Variants in LRMDA observed in about 807,000 individuals in gnomAD.
LRMDA encodes leucine rich melanocyte differentiation associated.
Under a neutral mutation model 29.8 loss-of-function variants are expected in LRMDA, and 18 were observed. The observed-to-expected ratio is 0.60, with a 90% CI of 0.42 to 0.90. The LOEUF is 0.90. Ranked by LOEUF, LRMDA falls within the 40% of genes least tolerant of loss-of-function variation. The pLI, the probability that LRMDA is intolerant of heterozygous loss-of-function variation, is 0.00. For synonymous variants in LRMDA, 125 were observed against 109.4 expected (o/e 1.14, Z -0.89); for missense variants, 273 against 273.9 (o/e 1.00, Z 0.02).
chr10:76,245,394 T>C (rs931657757), intron 5 of LRMDA, among the ~76,000 whole-genome samples: 1 of 152,096 alleles, frequency 6.6e-6, no homozygotes, highest in East Asian at 1.9e-4. Context: ...GGTAGTGGTG[T>C]TTGTTTTTGG....
intron 2 of LRMDA, among the ~76,000 whole-genome samples, chr10:75,710,317 T>G (rs1418409557): frequency 6.6e-6 from 1 of 152,208 alleles, no homozygotes; most frequent in Non-Finnish European, 1.5e-5. Flanking sequence ...TATGGGTTAA[T>G]TTTTCTGTAG....
chr10:76,314,510 CA>C (rs760311805), intron 5 of LRMDA, among the ~76,000 whole-genome samples: 47 of 152,294 alleles, frequency 3.1e-4, no homozygotes, highest in Non-Finnish European at 6.2e-4. Flanking sequence ...CCACAGTGGC[CA>C]ATGTCAAACT....
chr10:75,481,587 G>T (rs1223476483), intron 2 of LRMDA, among the ~76,000 whole-genome samples: 1 of 152,152 alleles, frequency 6.6e-6, no homozygotes, highest in Non-Finnish European at 1.5e-5. Context: ...CTGGACTTTT[G>T]CAGTAACCTC....
At chr10:75,823,191 G>A (rs1844191087) in intron 2 of LRMDA, among the ~76,000 whole-genome samples, 1 of 152,040 alleles carries the variant, frequency 6.6e-6, no homozygotes, top group Non-Finnish European at 1.5e-5. Context: ...CTACAGAATG[G>A]GAGAAAATAT....
chr10:76,426,196 T>G (rs1417658292), intron 6 of LRMDA, among the ~76,000 whole-genome samples: 1 of 152,238 alleles, frequency 6.6e-6, no homozygotes, highest in Non-Finnish European at 1.5e-5. Context: ...CCACAATGGT[T>G]GAACTAGTTT....
intron 2 of LRMDA, among the ~76,000 whole-genome samples, chr10:75,988,826 G>C (rs1252321815): frequency 1.3e-5 from 2 of 152,300 alleles, no homozygotes; most frequent in Non-Finnish European, 2.9e-5. Flanking sequence ...ATGCCAGTGG[G>C]TGCGGCCTGT....
chr10:75,515,766 A>G (rs1195201772), intron 2 of LRMDA, among the ~76,000 whole-genome samples: 4 of 152,108 alleles, frequency 2.6e-5, no homozygotes, highest in African/African-American at 9.7e-5. Context: ...GGTTTGTTAC[A>G]TAGGTATACT....
rs1841481100 is a variant in LRMDA at position 76,373,570 on chromosome 10, GT to G, written c.601+49091del. 6.6e-5 allele frequency among the ~76,000 whole-genome samples: 10 copies of G among 152,142 alleles called. No homozygotes were observed. In the South Asian group the frequency reaches 2.1e-3, roughly 32 times the overall value. ...TGGACAAGATATTGTTATCTCCTGT[GT>G]TTTTTAAGTCACTACCATCAGTTGC... On this transcript the variant is annotated intron_variant, in intron 6 of 6. Coordinates refer to ENST00000611255, the MANE Select transcript of LRMDA (RefSeq NM_001305581.2).
chr10:75,905,676 A>G (rs1269818951), intron 2 of LRMDA, among the ~76,000 whole-genome samples: 1 of 152,114 alleles, frequency 6.6e-6, no homozygotes, highest in Non-Finnish European at 1.5e-5. Context: ...GGGGAGTAGC[A>G]TGGTGCTAAC....
intron 5 of LRMDA, among the ~76,000 whole-genome samples, chr10:76,198,897 G>T (rs947740372): frequency 1.3e-5 from 2 of 152,184 alleles, no homozygotes; most frequent in Non-Finnish European, 2.9e-5. Context: ...ACTATTGTAT[G>T]AAGACTCCTT....
At chr10:76,228,353 G>T (rs114762201) in intron 5 of LRMDA, among the ~76,000 whole-genome samples, 1,555 of 152,150 alleles carry the variant, frequency 0.01, 27 homozygotes, top group African/African-American at 0.031. Context: ...CACCCAAGGG[G>T]TTCCTTGGTG....
chr10:75,756,621 C>T (rs1229351612), intron 2 of LRMDA, among the ~76,000 whole-genome samples: 1 of 152,192 alleles, frequency 6.6e-6, no homozygotes, highest in Admixed American at 6.5e-5. Context: ...CCTTAATGAA[C>T]AATAATAGTG....
chr10:75,959,837 A>C (rs916989741), intron 2 of LRMDA, among the ~76,000 whole-genome samples: 2 of 152,214 alleles, frequency 1.3e-5, no homozygotes, highest in Non-Finnish European at 2.9e-5. Flanking sequence ...GCTTATGAGC[A>C]TTTCATTTGT....
intron 2 of LRMDA, among the ~76,000 whole-genome samples, chr10:75,895,063 C>T (rs1204357748): frequency 6.6e-6 from 1 of 152,130 alleles, no homozygotes; most frequent in Non-Finnish European, 1.5e-5. Context: ...TTCAGAAGAA[C>T]TTGAAGTCCT....
At chr10:75,675,715 T>C (rs1841951394) in intron 2 of LRMDA, among the ~76,000 whole-genome samples, 1 of 152,192 alleles carries the variant, frequency 6.6e-6, no homozygotes, top group African/African-American at 2.4e-5. Flanking sequence ...AACTTTTTTT[T>C]TTTTGTTTGT....
At chr10:75,504,535 A>G (rs2132072066) in intron 2 of LRMDA, among the ~76,000 whole-genome samples, 1 of 152,306 alleles carries the variant, frequency 6.6e-6, no homozygotes, top group East Asian at 1.9e-4. Context: ...ATATTGTAAG[A>G]CAGCCTCATA....
intron 2 of LRMDA, among the ~76,000 whole-genome samples, chr10:75,448,968 A>G (rs985592424): frequency 6.6e-6 from 1 of 152,120 alleles, no homozygotes; most frequent in Non-Finnish European, 1.5e-5. Flanking sequence ...CCTGGCCAAC[A>G]TGGCAAAACC....
intron 2 of LRMDA, among the ~76,000 whole-genome samples, chr10:75,899,458 T>G (rs1303245377): frequency 1.3e-5 from 2 of 152,204 alleles, no homozygotes. Context: ...CATAGGAAAG[T>G]TTTCCTGTAG....
chr10:76,468,155 T>C (rs919395693), intron 6 of LRMDA, among the ~76,000 whole-genome samples: 2 of 152,214 alleles, frequency 1.3e-5, no homozygotes, highest in African/African-American at 2.4e-5. Flanking sequence ...AGTCTTAAAT[T>C]ACTCGCCTCT....
Sources: allele counts gnomAD v4.1 joint callset (sites outside exome capture counted in the v4.1 genomes callset), GRCh38; gene constraint gnomAD v4.1.1; transcripts MANE v1.5; gene names NCBI Gene and HGNC (gene_info 2026-07-23, HGNC 2026-07-21).